Variants in UMAD1 observed in about 807,000 individuals in gnomAD.
UMAD1 encodes UBAP1-MVB12-associated (UMA)-domain containing protein 1.
Under a neutral mutation model 6.1 loss-of-function variants are expected in UMAD1, and 8 were observed. The observed-to-expected ratio is 1.30, with a 90% CI of 0.76 to 2.35. UMAD1 has a LOEUF of 2.35. Ranked by LOEUF, UMAD1 falls within the 30% of genes most tolerant of loss-of-function variation. The pLI is 0.00. For synonymous variants in UMAD1, 56 were observed against 31.4 expected (o/e 1.78, Z -2.61); for missense variants, 130 against 78.4 (o/e 1.66, Z -2.49).
At chr7:7,759,045 C>T (rs530640556) in intron 2 of UMAD1, among the ~76,000 whole-genome samples, 6 of 152,292 alleles carry the variant, frequency 3.9e-5, no homozygotes, top group South Asian at 2.1e-4. Context: ...CTCAAAATTG[C>T]ACTTCTTACA....
At chr7:7,782,873 A>G (rs1237696018) in intron 2 of UMAD1, among the ~76,000 whole-genome samples, 2 of 151,878 alleles carry the variant, frequency 1.3e-5, no homozygotes, top group East Asian at 3.9e-4. Flanking sequence ...GGGACTACAG[A>G]TGCACGCCAC....
intron 2 of UMAD1, among the ~76,000 whole-genome samples, chr7:7,735,534 C>G (rs12154244): frequency 0.22 from 32,784 of 151,778 alleles, 4,180 homozygotes; most frequent in African/African-American, 0.36. Context: ...CTCAGCCTCC[C>G]GAGTAGCTGG....
At chr7:7,694,456 C>G (rs554878188) in intron 2 of UMAD1, among the ~76,000 whole-genome samples, 6 of 152,196 alleles carry the variant, frequency 3.9e-5, no homozygotes, top group African/African-American at 9.6e-5. Context: ...GTTGTGCTAT[C>G]AAATGCCAGA....
At chr7:7,779,104 A>G (rs1426623711) in intron 2 of UMAD1, among the ~76,000 whole-genome samples, 1 of 152,090 alleles carries the variant, frequency 6.6e-6, no homozygotes, top group African/African-American at 2.4e-5. Context: ...CTATCTCTAT[A>G]TTTCTGTACT....
At chr7:7,674,182 A>G (rs1779682588) in intron 2 of UMAD1, among the ~76,000 whole-genome samples, 2 of 152,052 alleles carry the variant, frequency 1.3e-5, no homozygotes, top group South Asian at 4.1e-4. Context: ...CTCCCACCAA[A>G]TTCCTACTCC....
At chr7:7,731,412 A>T (rs565404611) in intron 2 of UMAD1, among the ~76,000 whole-genome samples, 1 of 151,440 alleles carries the variant, frequency 6.6e-6, no homozygotes, top group South Asian at 2.1e-4. Context: ...GCAAGAAATG[A>T]TGATGTCCTG....
intron 3 of UMAD1, among the ~76,000 whole-genome samples, chr7:7,866,725 G>A (rs917454025): frequency 6.6e-6 from 1 of 152,178 alleles, no homozygotes; most frequent in South Asian, 2.1e-4. Flanking sequence ...AATTGGAGGG[G>A]TAAGCAAGGC....
chr7:7,827,139 ATATATATATGTG>A (rs1783359688), intron 3 of UMAD1, among the ~76,000 whole-genome samples: 1 of 133,980 alleles, frequency 7.5e-6, no homozygotes. Context: ...ATATATATAT[ATATATATATGTG>A]TGTGTGTGTG....
chr7:7,862,010 A>G (rs1446067767), intron 3 of UMAD1, among the ~76,000 whole-genome samples: 1 of 152,166 alleles, frequency 6.6e-6, no homozygotes, highest in African/African-American at 2.4e-5. Flanking sequence ...ACATTTAATT[A>G]TTTGTTCTTA....
intron 3 of UMAD1, among the ~76,000 whole-genome samples, chr7:7,838,259 C>T (rs1363554121): frequency 3.9e-5 from 6 of 152,100 alleles, no homozygotes; most frequent in Admixed American, 3.9e-4. Flanking sequence ...CATACAACAA[C>T]AGGCTAAACA....
At chr7:7,784,756 C>CTTTT (rs71014716) in intron 2 of UMAD1, among the ~76,000 whole-genome samples, 106 of 78,526 alleles carry the variant, frequency 1.3e-3, no homozygotes, top group African/African-American at 1.7e-3. Flanking sequence ...GCCCTTCCTT[C>CTTTT]TTTTTTTTTT....
intron 2 of UMAD1, among the ~76,000 whole-genome samples, chr7:7,748,210 C>T (rs1303851655): frequency 6.6e-6 from 1 of 151,798 alleles, no homozygotes; most frequent in Admixed American, 6.6e-5. Context: ...TCCCAAAGTC[C>T]TGGGATTACA....
In UMAD1 at chr7:7,858,051, A is replaced by G. The variant is rs116662478; in HGVS notation, c.157-19230A>G. ...AGACGGTGTGACTTCTCTGTACTTC[A>G]GTATTCCCCATCTGTTAAGTGGAGA... On this transcript the variant is annotated intron_variant, in intron 3 of 3. Coordinates refer to ENST00000682710, the MANE Select transcript of UMAD1 (RefSeq NM_001302348.2). 6.6e-3 allele frequency among the ~76,000 whole-genome samples: 999 copies of G among 152,328 alleles called. 12 individuals are homozygous for G. Among genetic ancestry groups the G allele is most frequent in the African/African-American group, 0.022 (922 of 41,566 alleles).
chr7:7,666,450 T>A (rs576557898), intron 1 of UMAD1, among the ~76,000 whole-genome samples: 29 of 152,220 alleles, frequency 1.9e-4, no homozygotes, highest in African/African-American at 6.7e-4. Context: ...TCAAGTGATC[T>A]GCCTACCTCA....
intron 2 of UMAD1, among the ~76,000 whole-genome samples, chr7:7,710,334 A>T (rs1379862469): frequency 1.3e-5 from 2 of 152,180 alleles, no homozygotes; most frequent in Non-Finnish European, 2.9e-5. Flanking sequence ...AGTCCCTAGA[A>T]TAAGTACTTG....
chr7:7,840,023 T>C (rs1783648246), intron 3 of UMAD1, among the ~76,000 whole-genome samples: 1 of 152,028 alleles, frequency 6.6e-6, no homozygotes, highest in Non-Finnish European at 1.5e-5. Flanking sequence ...GTGTATACAA[T>C]GATGAAACAG....
At chr7:7,748,518 A>C (rs1458616172) in intron 2 of UMAD1, among the ~76,000 whole-genome samples, 1 of 151,948 alleles carries the variant, frequency 6.6e-6, no homozygotes, top group Non-Finnish European at 1.5e-5. Flanking sequence ...AGCTGCTGTA[A>C]TTTTTTGAGG....
rs552335724 is a variant in UMAD1 at position 7,762,046 on chromosome 7, C to G, written c.83-39624C>G. ...AGACTGATTCATAGGCAGTTAGGGA[C>G]TAAGGGCGTGCCAGAATTCAGAAAG... On this transcript the variant is annotated intron_variant, in intron 2 of 3. Coordinates refer to ENST00000682710, the MANE Select transcript of UMAD1 (RefSeq NM_001302348.2). 6.6e-5 allele frequency among the ~76,000 whole-genome samples: 10 copies of G among 152,268 alleles called. No homozygotes were observed. The South Asian group carries it at 8.3e-4, about 13-fold the overall frequency.
intron 2 of UMAD1, among the ~76,000 whole-genome samples, chr7:7,705,371 T>A (rs1780571996): frequency 6.6e-6 from 1 of 152,212 alleles, no homozygotes; most frequent in Non-Finnish European, 1.5e-5. Context: ...TGCTTTGGAG[T>A]TTAAAAAGTA....
Sources: allele counts gnomAD v4.1 joint callset (sites outside exome capture counted in the v4.1 genomes callset), GRCh38; gene constraint gnomAD v4.1.1; transcripts MANE v1.5; gene names NCBI Gene and HGNC (gene_info 2026-07-23, HGNC 2026-07-21).